PHF21B: variants seen among roughly 807,000 people sequenced by gnomAD.
The protein encoded by PHF21B is PHD finger protein 21B.
Under a neutral mutation model 62.2 loss-of-function variants are expected in PHF21B, and 22 were observed. The observed-to-expected ratio is 0.35, with a 90% CI of 0.25 to 0.51. The LOEUF is 0.51. Among genes scored for constraint, PHF21B ranks in the 20% least tolerant of loss-of-function variants. The pLI, the probability that PHF21B is intolerant of heterozygous loss-of-function variation, is 0.97. For synonymous variants in PHF21B, 341 were observed against 314.7 expected (o/e 1.08, Z -0.88); for missense variants, 701 against 707.9 (o/e 0.99, Z 0.11).
Position 45,007,908 on chromosome 22 carries a change from G to A in PHF21B, c.120+637C>T, listed in dbSNP as rs191555920. ...AACTTTTCCTCCCCGGAGGGGGCCC[G>A]GAGGGGGGGGAGCGGTCGCGCCTCC... On this transcript the variant is annotated intron_variant, in intron 2 of 12. Transcript: ENST00000313237. 5.3e-5 allele frequency among the ~76,000 whole-genome samples: 8 copies of A among 152,038 alleles called. No homozygotes were observed. The East Asian group carries it at 1.6e-3, about 30-fold the overall frequency.
intron 2 of PHF21B, among the ~76,000 whole-genome samples, chr22:44,921,948 C>G (rs111298299): frequency 3.3e-5 from 5 of 152,148 alleles, no homozygotes; most frequent in Non-Finnish European, 5.9e-5. Flanking sequence ...CATGAGCCAC[C>G]GCGCCCGGTC....
intron 2 of PHF21B, chr22:44,971,263 G>A (rs879397202): frequency 6.6e-6 from 1 of 152,212 alleles, no homozygotes; most frequent in Non-Finnish European, 1.5e-5. Context: ...TTTGGCGTGA[G>A]TGACTCTGAA....
chr22:44,929,392 A>G (rs986592423), intron 2 of PHF21B, among the ~76,000 whole-genome samples: 1 of 152,182 alleles, frequency 6.6e-6, no homozygotes, highest in African/African-American at 2.4e-5. Flanking sequence ...ATGAGCCCCA[A>G]GCTCATCCAG....
chr22:44,945,936 T>C (rs1363332024), intron 2 of PHF21B, among the ~76,000 whole-genome samples: 1 of 152,156 alleles, frequency 6.6e-6, no homozygotes, highest in African/African-American at 2.4e-5. Context: ...CCCGTGCTGT[T>C]CCTTCTGCCT....
At chr22:44,900,434 G>A (rs1233286864) in intron 5 of PHF21B, among the ~76,000 whole-genome samples, 1 of 152,108 alleles carries the variant, frequency 6.6e-6, no homozygotes, top group Non-Finnish European at 1.5e-5. Flanking sequence ...CCGAGTAGCT[G>A]GGATTACAGG....
At chr22:44,904,350 G>A (rs1055434514) in intron 5 of PHF21B, among the ~76,000 whole-genome samples, 1 of 151,886 alleles carries the variant, frequency 6.6e-6, no homozygotes, top group Non-Finnish European at 1.5e-5. Flanking sequence ...TATACACTCG[G>A]TTGTTTCTTA....
At chr22:44,984,382 T>A (rs1166073334) in intron 2 of PHF21B, among the ~76,000 whole-genome samples, 1 of 151,962 alleles carries the variant, frequency 6.6e-6, no homozygotes. Flanking sequence ...GGGAAAAGGT[T>A]AACCTTACCC....
At chr22:44,936,627 A>T (rs1020485567) in intron 2 of PHF21B, among the ~76,000 whole-genome samples, 1 of 152,246 alleles carries the variant, frequency 6.6e-6, no homozygotes, top group African/African-American at 2.4e-5. Context: ...TATCTAATTA[A>T]TATTTTAAAA....
intron 2 of PHF21B, among the ~76,000 whole-genome samples, chr22:44,927,978 G>A (rs989003208): frequency 2.6e-5 from 4 of 152,194 alleles, no homozygotes; most frequent in African/African-American, 9.7e-5. Flanking sequence ...CACAGCTGGG[G>A]AAATCTCTAG....
intron 2 of PHF21B, among the ~76,000 whole-genome samples, chr22:44,975,342 G>A (rs1040741994): frequency 2.5e-4 from 38 of 152,076 alleles, no homozygotes; most frequent in Non-Finnish European, 5.0e-4. Context: ...TGTTCCTTCC[G>A]GAGCAGGAAG....
At chr22:44,998,300 A>G (rs1601695130) in intron 2 of PHF21B, among the ~76,000 whole-genome samples, 1 of 152,266 alleles carries the variant, frequency 6.6e-6, no homozygotes, top group South Asian at 2.1e-4. Flanking sequence ...GGACGCAGCA[A>G]CTCTCACACA....
At chr22:44,900,329 T>G (rs2071134960) in intron 5 of PHF21B, among the ~76,000 whole-genome samples, 1 of 151,922 alleles carries the variant, frequency 6.6e-6, no homozygotes, top group Admixed American at 6.6e-5. Flanking sequence ...GATTTACAAC[T>G]TTTTTTTGTT....
At chr22:44,989,170 G>C (rs895158184) in intron 2 of PHF21B, 11 of 152,192 alleles carry the variant, frequency 7.2e-5, no homozygotes, top group South Asian at 2.1e-4. Context: ...ATAGTCTGAA[G>C]GGCCACAGAT....
intron 2 of PHF21B, among the ~76,000 whole-genome samples, chr22:44,993,799 A>G (rs772379938): frequency 2.0e-4 from 30 of 152,206 alleles, no homozygotes; most frequent in Non-Finnish European, 3.8e-4. Context: ...TTTCCTCGCC[A>G]CTGGATGAGA....
intron 2 of PHF21B, among the ~76,000 whole-genome samples, chr22:45,003,913 A>G (rs1043877826): frequency 6.6e-6 from 1 of 152,248 alleles, no homozygotes; most frequent in Non-Finnish European, 1.5e-5. Context: ...TCTATTTAAT[A>G]TAAGTGGAAT....
intron 2 of PHF21B, among the ~76,000 whole-genome samples, chr22:44,965,195 C>T (rs1367810381): frequency 6.6e-6 from 1 of 152,124 alleles, no homozygotes; most frequent in African/African-American, 2.4e-5. Flanking sequence ...GGGCAGCTGC[C>T]AGGCCAGGCT....
intron 2 of PHF21B, among the ~76,000 whole-genome samples, chr22:45,007,889 T>A (rs2073354322): frequency 6.7e-6 from 1 of 150,374 alleles, no homozygotes; most frequent in African/African-American, 2.4e-5. Flanking sequence ...GGACAACTTT[T>A]CCTCCCCGGA....
chr22:44,936,107 C>T (rs968528367), intron 2 of PHF21B, among the ~76,000 whole-genome samples: 2 of 152,224 alleles, frequency 1.3e-5, no homozygotes, highest in Admixed American at 6.5e-5. Context: ...CTCCAAATAC[C>T]GTGGAGAACA....
At chr22:45,000,152 C>T in intron 2 of PHF21B, among the ~76,000 whole-genome samples, 1 of 152,100 alleles carries the variant, frequency 6.6e-6, no homozygotes, top group Non-Finnish European at 1.5e-5. Flanking sequence ...AGTTTTAAAG[C>T]CTGCACTGTA....
Sources: allele counts gnomAD v4.1 joint callset (sites outside exome capture counted in the v4.1 genomes callset), GRCh38; gene constraint gnomAD v4.1.1; transcripts MANE v1.5; gene names NCBI Gene and HGNC (gene_info 2026-07-23, HGNC 2026-07-21).